The following CFAP53 variants were observed in gnomAD, a reference collection of about 807,000 sequenced individuals.
CFAP53 encodes cilia- and flagella-associated protein 53.
CFAP53 carries 62 observed loss-of-function variants against 59.7 expected under a neutral mutation model. The observed-to-expected ratio is 1.04, with a 90% CI of 0.85 to 1.28. CFAP53 has a LOEUF of 1.28. Ranked by LOEUF, CFAP53 falls within the 50% of genes most tolerant of loss-of-function variation. The pLI is 0.00. For synonymous variants in CFAP53, 218 were observed against 205.7 expected (o/e 1.06, Z -0.51); for missense variants, 629 against 615.6 (o/e 1.02, Z -0.23).
At chr18:50,266,184 TCTTC>T in intron 1 of CFAP53, 148 bp downstream of exon 1, 1 of 689,450 alleles carries the variant, frequency 1.5e-6, no homozygotes. Context: ...AGCGACCTTA[TCTTC>T]CTTCTTTCAA....
chr18:50,246,784 G>A (rs2033749016), intron 5 of CFAP53, among the ~76,000 whole-genome samples: 1 of 151,284 alleles, frequency 6.6e-6, no homozygotes, highest in African/African-American at 2.4e-5. Flanking sequence ...GGTGGCTCAC[G>A]CCTGTAATCC....
rs761118566 is a variant in CFAP53, at chr18:50,262,019, A to G, written c.270T>C (p.Phe90=). ...RARIKDAVQG[F]IINIEERRNK... is the part of the protein sequence containing the mutation. ...TTCGTCTTTCTTCAATGTTAATGATAAACCCTTGCACAGCATCCTTGATTC... is the reference window on the plus strand; with the variant it reads ...TTCGTCTTTCTTCAATGTTAATGATGAACCCTTGCACAGCATCCTTGATTC... The change falls in exon 2 of 8, where the codon TTT becomes TTC. Residue 90 remains phenylalanine (F), a synonymous_variant. Coordinates refer to ENST00000398545, the MANE Select transcript of CFAP53 (RefSeq NM_145020.5). The G allele has an allele frequency of 3.7e-6, 6 of 1,612,980 alleles. No individual in the cohort carries two copies. In the Admixed American group the frequency reaches 1.0e-4, roughly 27 times the overall value.
intron 5 of CFAP53, among the ~76,000 whole-genome samples, chr18:50,245,344 T>C (rs1395407496): frequency 7.3e-6 from 1 of 137,590 alleles, no homozygotes; most frequent in African/African-American, 2.7e-5. Context: ...ATTGCACCAC[T>C]GCAGTCCGCA....
chr18:50,243,377 A>T (rs2033712240), intron 5 of CFAP53, among the ~76,000 whole-genome samples: 1 of 152,198 alleles, frequency 6.6e-6, no homozygotes, highest in Non-Finnish European at 1.5e-5. Flanking sequence ...CTCATTGTGC[A>T]ATTCTTTGTA....
At chr18:50,252,135 G>A (rs756653491) in intron 3 of CFAP53, among the ~76,000 whole-genome samples, 25 of 151,182 alleles carry the variant, frequency 1.7e-4, no homozygotes, top group Non-Finnish European at 2.8e-4. Flanking sequence ...ACAGAGTCTC[G>A]CTCTGTTGCC....
At chr18:50,231,534 C>A (rs187679400) in intron 7 of CFAP53, among the ~76,000 whole-genome samples, 8 of 152,320 alleles carry the variant, frequency 5.3e-5, no homozygotes, top group Non-Finnish European at 1.2e-4. Flanking sequence ...GAAAGGTATC[C>A]GTGTGGAAGC....
At chr18:50,255,879 AAG>A (rs1010027190) in intron 3 of CFAP53, among the ~76,000 whole-genome samples, 3 of 144,926 alleles carry the variant, frequency 2.1e-5, no homozygotes, top group Non-Finnish European at 4.4e-5. Context: ...CAAAAAAAAA[AAG>A]AGGAAAATTT....
At chr18:50,243,257 G>A (rs1454250832) in intron 5 of CFAP53, 141 bp from the exon 6 acceptor site, 2 of 647,424 alleles carry the variant, frequency 3.1e-6, no homozygotes, top group East Asian at 2.7e-5. Flanking sequence ...TATGTCTGGA[G>A]TTTATTCCAA....
rs71169499 is a variant in CFAP53, at chr18:50,261,252, CA to C, written c.300-16del. The C allele has an allele frequency of 0.094, 110,397 of 1,172,440 alleles. 46 individuals carry two copies. Among genetic ancestry groups the C allele is most frequent in the East Asian group, 0.12 (3,562 of 29,628 alleles). The allele number at this position is 1,172,440 out of a possible 1,614,324, so 72.6% of individuals were successfully genotyped here. A position where few individuals can be genotyped will look rare whatever the true frequency, so the allele number is the denominator to read the frequency against. ...GCTCACGTAGCCTGAAACAAAAAGC[CA>C]AAAAAAAAAAAAAAAAAAGAAAACT... is the stretch of plus-strand genomic sequence containing the variant. On this transcript the variant is annotated splice_polypyrimidine_tract_variant and intron_variant, in intron 2 of 7. Coordinates refer to ENST00000398545, the MANE Select transcript of CFAP53 (RefSeq NM_145020.5).
intron 3 of CFAP53, among the ~76,000 whole-genome samples, chr18:50,258,234 T>C (rs921492639): frequency 2.0e-5 from 3 of 152,112 alleles, no homozygotes; most frequent in Non-Finnish European, 2.9e-5. Context: ...TCAAACAGCA[T>C]GGTACTGGCA....
intron 1 of CFAP53, among the ~76,000 whole-genome samples, chr18:50,262,875 C>T (rs1051785084): frequency 5.9e-5 from 9 of 152,062 alleles, no homozygotes; most frequent in Non-Finnish European, 1.3e-4. Flanking sequence ...GGTGGTAGAA[C>T]TTTATTCCTA....
At chr18:50,227,748 GA>G in intron 7 of CFAP53, 139 bp from the exon 8 acceptor site, 1 of 644,828 alleles carries the variant, frequency 1.6e-6, no homozygotes, top group Non-Finnish European at 2.7e-6. Context: ...AGAAATAGAT[GA>G]AAAACTCAAT....
At chr18:50,247,915 T>A (rs990105880) in intron 5 of CFAP53, among the ~76,000 whole-genome samples, 5 of 152,196 alleles carry the variant, frequency 3.3e-5, no homozygotes, top group African/African-American at 9.7e-5. Context: ...TTGTATGGTT[T>A]AAACTGGGGA....
intron 3 of CFAP53, among the ~76,000 whole-genome samples, chr18:50,259,200 T>C (rs995959417): frequency 6.6e-6 from 1 of 152,208 alleles, no homozygotes; most frequent in Non-Finnish European, 1.5e-5. Flanking sequence ...GGAAGCAACC[T>C]AAGTGTCCAT....
rs78207114 is a variant in CFAP53 at position 50,256,758 on chromosome 18, T to G, written c.473+4306A>C. ...TTTCTCTGCACCATGTCTTGATCCCTCCACAGATGTCATTTTGCTGCTTTT... is the reference window on the plus strand; with the variant it reads ...TTTCTCTGCACCATGTCTTGATCCCGCCACAGATGTCATTTTGCTGCTTTT... On this transcript the variant is annotated intron_variant, in intron 3 of 7. Coordinates refer to ENST00000398545, the MANE Select transcript of CFAP53 (RefSeq NM_145020.5). Among the ~76,000 whole-genome samples, 581 of 152,106 alleles carry G rather than the reference T, an allele frequency of 3.8e-3. 2 individuals are homozygous for G. The highest frequency in any genetic ancestry group is 0.014 in the African/African-American group (561 of 41,452).
At chr18:50,258,527 T>C (rs2033864696) in intron 3 of CFAP53, among the ~76,000 whole-genome samples, 1 of 152,168 alleles carries the variant, frequency 6.6e-6, no homozygotes, top group Non-Finnish European at 1.5e-5. Context: ...GAAAAATCTC[T>C]AGGACATTGG....
At chr18:50,252,805 G>T (rs1263043941) in intron 3 of CFAP53, among the ~76,000 whole-genome samples, 1 of 152,160 alleles carries the variant, frequency 6.6e-6, no homozygotes, top group Non-Finnish European at 1.5e-5. Context: ...GAGGATCGCT[G>T]GAGACTAGGA....
intron 7 of CFAP53, among the ~76,000 whole-genome samples, chr18:50,228,404 G>A (rs1245393181): frequency 6.6e-6 from 1 of 152,036 alleles, no homozygotes; most frequent in Non-Finnish European, 1.5e-5. Context: ...TTATCATTCT[G>A]TTCAGTATTA....
chr18:50,236,676 C>T (rs2033636379), intron 7 of CFAP53, among the ~76,000 whole-genome samples: 1 of 152,164 alleles, frequency 6.6e-6, no homozygotes, highest in African/African-American at 2.4e-5. Flanking sequence ...AGATCCCTGA[C>T]TACAGTCAGC....
Sources: gnomAD v4.1 joint callset for allele counts (sites outside exome capture counted in the v4.1 genomes callset) on GRCh38, gnomAD v4.1.1 for gene constraint, MANE v1.5 for transcripts, NCBI Gene and HGNC (gene_info 2026-07-23, HGNC 2026-07-21) for gene names.